The following CDC42BPA variants were observed in gnomAD, a reference collection of about 807,000 sequenced individuals.
The protein encoded by CDC42BPA is serine/threonine-protein kinase MRCK alpha.
A neutral mutation model predicts 223.5 loss-of-function variants in CDC42BPA; 80 were observed. The observed-to-expected ratio is 0.36, with a 90% CI of 0.30 to 0.43. CDC42BPA has a LOEUF of 0.43. Among genes scored for constraint, CDC42BPA ranks in the 20% least tolerant of loss-of-function variants. The pLI is 1.00. For missense variants in CDC42BPA, 1,743 were observed against 2,099.9 expected (o/e 0.83, Z 3.32); for synonymous variants, 694 against 718.6 (o/e 0.97, Z 0.55).
intron 35 of CDC42BPA, 134 bp from the exon 36 acceptor site, chr1:226,995,114 A>C: frequency 1.4e-6 from 1 of 727,432 alleles, no homozygotes; most frequent in Non-Finnish European, 2.3e-6. Flanking sequence ...CAGTAAGTCC[A>C]ACTGTAGTAC....
At position 227,272,762 on chromosome 1, in the gene CDC42BPA, AT is replaced by A. The variant is rs1173477577; in HGVS notation, c.179-18608del. ...AAATTATAAGTTGATTTTAAAACAT[AT>A]TTTTAAAGTCATAAACCAAGAGTAT... is the stretch of plus-strand genomic sequence containing the variant. On this transcript the variant is annotated intron_variant, in intron 1 of 36. Coordinates refer to ENST00000366766, the MANE Select transcript of CDC42BPA (RefSeq NM_001394014.1). Among the ~76,000 whole-genome samples the A allele has an allele frequency of 2.0e-5, 3 of 151,978 alleles. No individual in the cohort carries two copies. The East Asian group carries it at 5.8e-4, about 29-fold the overall frequency.
At chr1:227,225,578 T>C (rs1317293460) in intron 2 of CDC42BPA, among the ~76,000 whole-genome samples, 1 of 152,200 alleles carries the variant, frequency 6.6e-6, no homozygotes, top group Non-Finnish European at 1.5e-5. Context: ...AGAAGTTGTA[T>C]AGGTGTTCTC....
intron 35 of CDC42BPA, among the ~76,000 whole-genome samples, chr1:226,997,850 G>C (rs1308421131): frequency 6.6e-6 from 1 of 152,170 alleles, no homozygotes; most frequent in Non-Finnish European, 1.5e-5. Flanking sequence ...TTGGTGAGGA[G>C]TGTTTTACTT....
chr1:227,232,930 C>T (rs1433802860), intron 2 of CDC42BPA, among the ~76,000 whole-genome samples: 1 of 152,204 alleles, frequency 6.6e-6, no homozygotes, highest in Non-Finnish European at 1.5e-5. Flanking sequence ...AGCACTACTC[C>T]CTTCAAAGCT....
intron 1 of CDC42BPA, among the ~76,000 whole-genome samples, chr1:227,266,964 T>C (rs1685101495): frequency 6.6e-6 from 1 of 152,176 alleles, no homozygotes; most frequent in African/African-American, 2.4e-5. Context: ...TCATCTAGCA[T>C]ACAGTCTTTA....
chr1:227,021,907 C>G (rs1386214086), intron 32 of CDC42BPA, among the ~76,000 whole-genome samples: 5 of 151,900 alleles, frequency 3.3e-5, no homozygotes, highest in Non-Finnish European at 7.4e-5. Flanking sequence ...GTAATCCCAG[C>G]TACTCAGGAG....
intron 1 of CDC42BPA, among the ~76,000 whole-genome samples, chr1:227,262,290 T>C (rs898005721): frequency 1.3e-5 from 2 of 152,150 alleles, no homozygotes; most frequent in African/African-American, 4.8e-5. Flanking sequence ...TAATGATATA[T>C]TAACATGTGC....
chr1:227,023,805 G>A (rs7526725), intron 31 of CDC42BPA, among the ~76,000 whole-genome samples: 150,713 of 152,324 alleles, frequency 0.99, 74,568 homozygotes, highest in East Asian at 1. Context: ...ATGAATTCCA[G>A]TTGGATTAAA....
rs1476878567 is a variant in CDC42BPA at position 227,112,780 on chromosome 1, T to C, written c.1781A>G (p.Gln594Arg). The change falls in exon 13 of 37, where the codon CAG (glutamine) becomes CGG (arginine). Residue 594 changes from glutamine to arginine, a missense_variant. Gln to Arg is a conservative substitution (Grantham distance 43). Coordinates refer to ENST00000366766, the MANE Select transcript of CDC42BPA (RefSeq NM_001394014.1). ...ERLTELHTQK[Q>R]KLARHVRDKE... ...ATCTCGGACATGGCGAGCAAGTTTC[T>C]GTTTTTGGGTGTGCAATTCTGTTAG... is the stretch of plus-strand genomic sequence containing the variant. 6.2e-7 allele frequency: 1 copy of C among 1,614,122 alleles called. No individual in the cohort carries two copies. The highest frequency in any genetic ancestry group is 2.2e-5 in the East Asian group (1 of 44,876).
chr1:227,000,876 C>T (rs1408613053), intron 35 of CDC42BPA, among the ~76,000 whole-genome samples: 1 of 151,674 alleles, frequency 6.6e-6, no homozygotes, highest in Non-Finnish European at 1.5e-5. Context: ...AGCCTGGGGA[C>T]CCTCTGGCCT....
rs78696559 is a variant in CDC42BPA, at chr1:227,206,302, T to C, written c.355-6650A>G. 6.7e-4 allele frequency among the ~76,000 whole-genome samples: 102 copies of C among 152,300 alleles called. 1 individual carries two copies. Among genetic ancestry groups the C allele is most frequent in the Middle Eastern group, 3.4e-3 (1 of 294 alleles). On this transcript the variant is annotated intron_variant, in intron 3 of 36. Transcript: ENST00000366766. Reference sequence around the variant, plus strand: ...TGTAAATGATGAACTTGTAGAGTTATTGGTGATAAACTAGCAAAGTTTGTA... The same window carrying C: ...TGTAAATGATGAACTTGTAGAGTTACTGGTGATAAACTAGCAAAGTTTGTA...
chr1:227,207,113 T>C (rs1228498794), intron 3 of CDC42BPA, among the ~76,000 whole-genome samples: 15 of 112,760 alleles, frequency 1.3e-4, no homozygotes, highest in African/African-American at 5.2e-4. Flanking sequence ...CCCCGGAGTG[T>C]GATGTTCCCC....
chr1:227,074,388 C>T, intron 17 of CDC42BPA, 24 bp from the exon 18 acceptor site: 1 of 1,553,688 alleles, frequency 6.4e-7, no homozygotes, highest in Non-Finnish European at 8.8e-7. Flanking sequence ...AGACAAAGTA[C>T]AAAAGTAAAA....
chr1:227,081,673 C>G (rs1680699110), intron 16 of CDC42BPA, among the ~76,000 whole-genome samples: 1 of 152,006 alleles, frequency 6.6e-6, no homozygotes, highest in Non-Finnish European at 1.5e-5. Flanking sequence ...AGGCTGGTCT[C>G]AAACTCCTGA....
intron 32 of CDC42BPA, among the ~76,000 whole-genome samples, chr1:227,020,794 A>T (rs1337780454): frequency 6.6e-6 from 1 of 152,186 alleles, no homozygotes; most frequent in African/African-American, 2.4e-5. Flanking sequence ...TAACTGTTGC[A>T]AGAGGCCTAG....
In CDC42BPA at chr1:227,273,347, C is replaced by T. The variant is rs114683349; in HGVS notation, c.179-19192G>A. On this transcript the variant is annotated intron_variant, in intron 1 of 36. Coordinates refer to ENST00000366766, the MANE Select transcript of CDC42BPA (RefSeq NM_001394014.1). ...TCACGCCTCCAAGGCGGGCAGATCA[C>T]CTGAGGATTGGGAATTCGAGACCAG... Among the ~76,000 whole-genome samples the T allele has an allele frequency of 4.2e-3, 626 of 150,480 alleles. 5 individuals are homozygous for T. Among genetic ancestry groups the T allele is most frequent in the African/African-American group, 0.015 (607 of 40,862 alleles).
At chr1:227,109,440 A>C (rs1273611464) in intron 14 of CDC42BPA, among the ~76,000 whole-genome samples, 1 of 152,032 alleles carries the variant, frequency 6.6e-6, no homozygotes, top group East Asian at 1.9e-4. Context: ...ATCTCAGCTT[A>C]CTGCAATCTC....
chr1:227,207,500 T>C (rs1321027477), intron 3 of CDC42BPA, among the ~76,000 whole-genome samples: 2 of 136,244 alleles, frequency 1.5e-5, no homozygotes, highest in East Asian at 2.4e-4. Context: ...TATCTCCCAA[T>C]GCTATCCCTC....
chr1:227,071,381 A>C (rs1482287198), intron 20 of CDC42BPA, among the ~76,000 whole-genome samples: 3 of 151,884 alleles, frequency 2.0e-5, no homozygotes, highest in Non-Finnish European at 4.4e-5. Flanking sequence ...TGTATATAAG[A>C]TATCCCTTTA....
Sources: allele counts gnomAD v4.1 joint callset (sites outside exome capture counted in the v4.1 genomes callset), GRCh38; gene constraint gnomAD v4.1.1; transcripts MANE v1.5; gene names NCBI Gene and HGNC (gene_info 2026-07-23, HGNC 2026-07-21).